The following DRD2 variants were observed in gnomAD, a reference collection of about 807,000 sequenced individuals.
DRD2 encodes the protein D(2) dopamine receptor.
Under a neutral mutation model 38.0 loss-of-function variants are expected in DRD2, and 8 were observed. The ratio of observed to expected loss-of-function variants is 0.21; its 90% CI spans 0.12 to 0.38. DRD2 has a LOEUF of 0.38. DRD2 is among the 10% of genes least tolerant of loss of function. The pLI is 1.00. For synonymous variants in DRD2, 230 were observed against 238.6 expected (o/e 0.96, Z 0.33); for missense variants, 403 against 607.7 (o/e 0.66, Z 3.54).
chr11:113,415,766 T>C (rs1488359295), intron 4 of DRD2, among the ~76,000 whole-genome samples, 155 bp from the exon 5 acceptor site: 1 of 152,100 alleles, frequency 6.6e-6, no homozygotes, highest in Non-Finnish European at 1.5e-5. Context: ...ATCTTAGATA[T>C]ACACAAACGC....
At chr11:113,419,891 C>A (rs554591289) in intron 2 of DRD2, among the ~76,000 whole-genome samples, 25 of 152,374 alleles carry the variant, frequency 1.6e-4, no homozygotes, top group Admixed American at 1.6e-3. Flanking sequence ...GCAAGCCTCT[C>A]ATGCGGCACT....
rs548777491 is a variant in DRD2 at position 113,455,844 on chromosome 11, T to C, written c.-32+19232A>G. ...CACTTATAAACCGTTGGTGGAAATA[T>C]AAATTAACATAGCCATTTTGGAGAA... On this transcript the variant is annotated intron_variant, in intron 1 of 7. Transcript: ENST00000362072. Among the ~76,000 whole-genome samples, 4 of 152,308 alleles carry C rather than the reference T, an allele frequency of 2.6e-5. No homozygotes were observed. In the South Asian group the frequency reaches 8.3e-4, roughly 32 times the overall value.
At chr11:113,466,424 GC>G (rs985743904) in intron 1 of DRD2, among the ~76,000 whole-genome samples, 1 of 60,180 alleles carries the variant, frequency 1.7e-5, no homozygotes, top group Non-Finnish European at 5.6e-5. Context: ...TTCCTCAACA[GC>G]CCCCCCAGTG....
At chr11:113,445,661 A>G (rs1565672583) in intron 1 of DRD2, among the ~76,000 whole-genome samples, 1 of 152,250 alleles carries the variant, frequency 6.6e-6, no homozygotes, top group Non-Finnish European at 1.5e-5. Flanking sequence ...CAGGAGGCAG[A>G]GAAGCAGAAA....
chr11:113,454,732 T>C (rs1179234081), intron 1 of DRD2, among the ~76,000 whole-genome samples: 1 of 152,190 alleles, frequency 6.6e-6, no homozygotes, highest in Non-Finnish European at 1.5e-5. Flanking sequence ...GATGAGTAGA[T>C]AGAGAAAACG....
chr11:113,449,250 A>G (rs1951186167), intron 1 of DRD2, among the ~76,000 whole-genome samples: 1 of 152,082 alleles, frequency 6.6e-6, no homozygotes, highest in South Asian at 2.1e-4. Flanking sequence ...CACCTCCTAG[A>G]ATAGCCTTCC....
At chr11:113,414,313 G>A (rs1950800364) in intron 6 of DRD2, 62 bp downstream of exon 6, 9 of 1,503,012 alleles carry the variant, frequency 6.0e-6, no homozygotes, top group Non-Finnish European at 7.4e-6. Flanking sequence ...TCAGAACCAT[G>A]GCCAGTGGGC....
At position 113,467,814 on chromosome 11, in the gene DRD2, G is replaced by A. The variant is rs142120938; in HGVS notation, c.-32+7262C>T. The stretch of plus-strand genomic sequence containing the variant: ...GAATTCAGCTGCACCTAAATCAAAG[G>A]GATGACAAGCAATTCAAACCCCTAT... On this transcript the variant is annotated intron_variant, in intron 1 of 7. Coordinates refer to ENST00000362072, the MANE Select transcript of DRD2 (RefSeq NM_000795.4). Among the ~76,000 whole-genome samples, 36 of 152,250 alleles carry A rather than the reference G, an allele frequency of 2.4e-4. No individual in the cohort carries two copies. The East Asian group carries it at 6.6e-3, about 28-fold the overall frequency.
At chr11:113,425,760 G>C (rs534612995) in intron 1 of DRD2, among the ~76,000 whole-genome samples, 105 of 152,218 alleles carry the variant, frequency 6.9e-4, no homozygotes, top group African/African-American at 2.4e-3. Context: ...GGTATCATCT[G>C]GGATGAAGTA....
At chr11:113,412,202 C>A in intron 7 of DRD2, 1 of 365,778 alleles carries the variant, frequency 2.7e-6, no homozygotes, top group Non-Finnish European at 5.1e-6. Flanking sequence ...ACCTACTCTA[C>A]AGATGAGGAG....
At chr11:113,410,993 C>A (rs539585604) in intron 7 of DRD2, 73 bp from the exon 8 acceptor site, 2 of 1,505,956 alleles carry the variant, frequency 1.3e-6, no homozygotes, top group Admixed American at 1.8e-5. Context: ...ACACCCAGTG[C>A]GCCCTGGCTC....
At chr11:113,426,387 T>C (rs1220473671) in intron 1 of DRD2, among the ~76,000 whole-genome samples, 2 of 152,162 alleles carry the variant, frequency 1.3e-5, no homozygotes, top group Non-Finnish European at 2.9e-5. Context: ...AATGCATGGA[T>C]AATATAGTTG....
intron 2 of DRD2, among the ~76,000 whole-genome samples, chr11:113,419,245 C>T (rs1950857933): frequency 6.6e-6 from 1 of 152,118 alleles, no homozygotes; most frequent in Non-Finnish European, 1.5e-5. Flanking sequence ...TGAAGACTCG[C>T]CATGAAACAG....
intron 1 of DRD2, among the ~76,000 whole-genome samples, chr11:113,458,394 GAA>G (rs5794866): frequency 8.0e-5 from 12 of 150,312 alleles, no homozygotes; most frequent in East Asian, 5.8e-4. Flanking sequence ...AATATCACCA[GAA>G]AAAAAAAAAT....
intron 1 of DRD2, among the ~76,000 whole-genome samples, chr11:113,452,749 G>T (rs1951229020): frequency 6.6e-6 from 1 of 151,360 alleles, no homozygotes. Context: ...CTGGGTTCAA[G>T]CAATTCTCCT....
chr11:113,437,914 G>C (rs968211182), intron 1 of DRD2, among the ~76,000 whole-genome samples: 2 of 152,206 alleles, frequency 1.3e-5, no homozygotes, highest in Non-Finnish European at 2.9e-5. Context: ...GCACAACAGG[G>C]AAGAGAGCAG....
intron 1 of DRD2, among the ~76,000 whole-genome samples, chr11:113,463,868 A>G (rs571560999): frequency 3.2e-4 from 48 of 151,996 alleles, no homozygotes; most frequent in African/African-American, 1.1e-3. Context: ...TGTAGGAAGG[A>G]AAATTGGGGA....
chr11:113,431,007 A>G (rs1309582282), intron 1 of DRD2, among the ~76,000 whole-genome samples: 1 of 152,234 alleles, frequency 6.6e-6, no homozygotes, highest in Admixed American at 6.5e-5. Flanking sequence ...CAAAACAAGC[A>G]TTTTGATTTT....
At chr11:113,462,441 A>G (rs1255530060) in intron 1 of DRD2, among the ~76,000 whole-genome samples, 1 of 152,210 alleles carries the variant, frequency 6.6e-6, no homozygotes, top group Admixed American at 6.5e-5. Context: ...GTACCCTTAT[A>G]AGAAGCAGAG....
Sources: allele counts gnomAD v4.1 joint callset (sites outside exome capture counted in the v4.1 genomes callset), GRCh38; gene constraint gnomAD v4.1.1; transcripts MANE v1.5; gene names NCBI Gene and HGNC (gene_info 2026-07-23, HGNC 2026-07-21).